The following TEKT3 variants were observed in gnomAD, a reference collection of about 807,000 sequenced individuals.
TEKT3 encodes the protein tektin-3.
Under a neutral mutation model 49.8 loss-of-function variants are expected in TEKT3, and 49 were observed. The ratio of observed to expected loss-of-function variants is 0.98; its 90% CI spans 0.78 to 1.25. The LOEUF is 1.25. Ranked by LOEUF, TEKT3 falls within the 50% of genes most tolerant of loss-of-function variation. TEKT3 has a pLI of 0.00. For synonymous variants in TEKT3, 225 were observed against 237.2 expected, an observed-to-expected ratio of 0.95 and a Z score of 0.47; for missense variants, 595 against 629.5, an observed-to-expected ratio of 0.95 and a Z score of 0.59.
rs753371295 is a variant in TEKT3 at position 15,308,784 on chromosome 17, A to G, written c.1136T>C (p.Ile379Thr). 4 of 1,613,976 alleles carry G rather than the reference A, an allele frequency of 2.5e-6. No homozygotes were observed. The highest frequency in any genetic ancestry group is 3.4e-6 in the Non-Finnish European group (4 of 1,179,988). ...LQEIFQTEMT[I>T]ESIKKAIKDK... Reference sequence around the variant, plus strand: ...CTTGATGGCCTTCTTGATGGATTCTATGGTCATTTCAGTCTGGAAAATCTC... The same window carrying G: ...CTTGATGGCCTTCTTGATGGATTCTGTGGTCATTTCAGTCTGGAAAATCTC... Residue 379 changes from isoleucine (I) to threonine (T), a missense_variant, in exon 8 of 9, where the codon ATA becomes ACA. Transcript: ENST00000395930.
chr17:15,327,024 T>C (rs2150747196), intron 4 of TEKT3, among the ~76,000 whole-genome samples: 1 of 152,288 alleles, frequency 6.6e-6, no homozygotes, highest in African/African-American at 2.4e-5. Flanking sequence ...TCCCAAAATA[T>C]ATTCTAAAGA....
At chr17:15,342,564 C>T (rs1055730642), upstream of TEKT3, among the ~76,000 whole-genome samples, 1 of 152,170 alleles carries the variant, frequency 6.6e-6, no homozygotes, top group Non-Finnish European at 1.5e-5. Flanking sequence ...GACTTCAAGT[C>T]GGGGGCTGGT....
chr17:15,304,015 G>A lies in TEKT3; in HGVS notation c.1394C>T (p.Ser465Phe). Residue 465 changes from serine to phenylalanine, a missense_variant, in exon 9 of 9, where the codon TCC (serine) becomes TTC (phenylalanine). Physicochemically the swap from Ser to Phe is radical, Grantham distance 155 (BLOSUM62 -2). Transcript: ENST00000395930. This position sits in a 1 kb window ranked among gnomAD's most constrained non-coding sequence, Gnocchi z 4.7. ...GCATTTTTCCTGGTCGATGTACAGGGAATTGGCTTTGACAGCCAGGTCATA... is the reference window on the plus strand; with the variant it reads ...GCATTTTTCCTGGTCGATGTACAGGAAATTGGCTTTGACAGCCAGGTCATA... ...LEYDLAVKAN[S>F]LYIDQEKCMS... 6.2e-7 allele frequency: 1 copy of A among 1,614,146 alleles called. No homozygotes were observed.
At chr17:15,308,157 T>C (rs1393675600) in intron 8 of TEKT3, among the ~76,000 whole-genome samples, 1 of 152,136 alleles carries the variant, frequency 6.6e-6, no homozygotes, top group African/African-American at 2.4e-5. Flanking sequence ...GTCAGTGGAA[T>C]TGGTACTGAA....
At chr17:15,321,501 G>C (rs1911256041) in intron 4 of TEKT3, among the ~76,000 whole-genome samples, 1 of 152,096 alleles carries the variant, frequency 6.6e-6, no homozygotes, top group Admixed American at 6.6e-5. Flanking sequence ...AGCAAAAGAA[G>C]GACAAAGCAT....
At chr17:15,319,397 T>C (rs1157794946) in intron 4 of TEKT3, among the ~76,000 whole-genome samples, 1 of 152,130 alleles carries the variant, frequency 6.6e-6, no homozygotes, top group Non-Finnish European at 1.5e-5. Flanking sequence ...AGTGGGGACA[T>C]GGTTAAAATT....
upstream of TEKT3, among the ~76,000 whole-genome samples, chr17:15,341,814 A>G (rs971430592): frequency 6.6e-6 from 1 of 152,048 alleles, no homozygotes; most frequent in African/African-American, 2.4e-5. Flanking sequence ...CCTCCGGGAG[A>G]CCTCCTTGGT....
At chr17:15,324,022 C>T (rs1268640143) in intron 4 of TEKT3, among the ~76,000 whole-genome samples, 1 of 152,130 alleles carries the variant, frequency 6.6e-6, no homozygotes, top group East Asian at 1.9e-4. Flanking sequence ...TAATCATCAC[C>T]GGAACCAAAT....
chr17:15,319,377 T>C (rs1911156314), intron 4 of TEKT3, among the ~76,000 whole-genome samples: 1 of 152,172 alleles, frequency 6.6e-6, no homozygotes, highest in Admixed American at 6.5e-5. Flanking sequence ...GGAAATTATA[T>C]TATGGAACAA....
chr17:15,305,609 C>A (rs1362827590), intron 8 of TEKT3, among the ~76,000 whole-genome samples: 1 of 152,050 alleles, frequency 6.6e-6, no homozygotes. Context: ...TTTACAATCA[C>A]ACGGGGCCTG....
At chr17:15,307,476 T>TG (rs2150731930) in intron 8 of TEKT3, among the ~76,000 whole-genome samples, 1 of 152,360 alleles carries the variant, frequency 6.6e-6, no homozygotes, top group Non-Finnish European at 1.5e-5. Flanking sequence ...CTTAGGGCAG[T>TG]GCCCAGCATC....
At chr17:15,334,994 A>G (rs1911924469) in intron 2 of TEKT3, among the ~76,000 whole-genome samples, 2 of 152,012 alleles carry the variant, frequency 1.3e-5, no homozygotes, top group Non-Finnish European at 2.9e-5. Flanking sequence ...GACAAAATAT[A>G]TGAAACAACT....
chr17:15,305,384 G>A (rs540197032), intron 8 of TEKT3, among the ~76,000 whole-genome samples: 5 of 152,296 alleles, frequency 3.3e-5, no homozygotes, highest in African/African-American at 1.2e-4. Flanking sequence ...AAGAATTAAA[G>A]TTTAAGTGCC....
chr17:15,327,895 A>G (rs1911556217), intron 4 of TEKT3, 97 bp downstream of exon 4: 3 of 1,041,740 alleles, frequency 2.9e-6, no homozygotes, highest in East Asian at 2.4e-5. Flanking sequence ...TGCTTTACTT[A>G]TAAGTCATTT....
chr17:15,332,846 A>G (rs1432571439), intron 2 of TEKT3, among the ~76,000 whole-genome samples: 1 of 152,238 alleles, frequency 6.6e-6, no homozygotes, highest in Non-Finnish European at 1.5e-5. Flanking sequence ...CCTCAGAAGT[A>G]GCCACTAAAT....
At chr17:15,329,758 T>A (rs1339850157) in intron 3 of TEKT3, among the ~76,000 whole-genome samples, 1 of 152,156 alleles carries the variant, frequency 6.6e-6, no homozygotes, top group Non-Finnish European at 1.5e-5. Flanking sequence ...CACCAGACTT[T>A]CAGCTCCTTG....
chr17:15,315,701 C>A (rs1007808250), intron 5 of TEKT3, among the ~76,000 whole-genome samples: 2 of 151,872 alleles, frequency 1.3e-5, no homozygotes, highest in African/African-American at 4.8e-5. Flanking sequence ...GTTCAGTTGA[C>A]ATAGTAAACT....
intron 6 of TEKT3, 53 bp downstream of exon 6, chr17:15,314,034 G>A: frequency 1.2e-6 from 2 of 1,611,366 alleles, no homozygotes; most frequent in South Asian, 2.2e-5. Flanking sequence ...CTTTCGAAAG[G>A]AGAAAGAGTT....
intron 6 of TEKT3, among the ~76,000 whole-genome samples, chr17:15,312,780 A>G (rs925123696): frequency 6.6e-6 from 1 of 152,256 alleles, no homozygotes; most frequent in Non-Finnish European, 1.5e-5. Context: ...GTCACACATC[A>G]CATCAATAAG....
Sources: gnomAD v4.1 joint callset for allele counts (sites outside exome capture counted in the v4.1 genomes callset) on GRCh38, gnomAD v4.1.1 for gene constraint, Gnocchi (gnomAD v3.1) non-coding constraint, MANE v1.5 for transcripts, NCBI Gene and HGNC (gene_info 2026-07-23, HGNC 2026-07-21) for gene names.